Variants in MB21D2 observed in about 807,000 individuals in gnomAD.
MB21D2 encodes the protein nucleotidyltransferase MB21D2.
Under a neutral mutation model 33.3 loss-of-function variants are expected in MB21D2, and 9 were observed. That is an observed-to-expected ratio of 0.27 (90% CI 0.16 to 0.47). MB21D2 has a LOEUF of 0.47. MB21D2 is among the 20% of genes least tolerant of loss of function. The pLI, the probability that MB21D2 is intolerant of heterozygous loss-of-function variation, is 0.99. For missense variants in MB21D2, 540 were observed against 624.6 expected, an observed-to-expected ratio of 0.86 and a Z score of 1.44; for synonymous variants, 241 against 236.3, an observed-to-expected ratio of 1.02 and a Z score of -0.18.
chr3:192,809,792 A>G (rs1376324269), intron 1 of MB21D2, among the ~76,000 whole-genome samples: 2 of 152,228 alleles, frequency 1.3e-5, no homozygotes, highest in East Asian at 3.9e-4. Context: ...ACACACAGCT[A>G]TGTGGGTGCA....
Position 192,917,774 on chromosome 3 carries a change from G to C in MB21D2, c.67C>G (p.Pro23Ala). The change falls in exon 1 of 2, where the codon CCG becomes GCG. Residue 23 changes from proline to alanine, a missense_variant. Physicochemically the swap from Pro to Ala is conservative, Grantham distance 27. Coordinates refer to ENST00000392452, the MANE Select transcript of MB21D2 (RefSeq NM_178496.4). ...SLGCNNKPAF[P>A]ELDFRSGARV... ...GCTCCCGACCTGAAATCCAGCTCCG[G>C]GAACGCAGGCTTGTTGTTACAGCCC... The C allele has an allele frequency of 1.2e-6, 2 of 1,613,856 alleles. No individual in the cohort carries two copies. The highest frequency in any genetic ancestry group is 1.7e-6 in the Non-Finnish European group (2 of 1,180,038).
chr3:192,843,616 G>A (rs1712618441), intron 1 of MB21D2, among the ~76,000 whole-genome samples: 1 of 152,156 alleles, frequency 6.6e-6, no homozygotes, highest in African/African-American at 2.4e-5. Flanking sequence ...TATACAGTAT[G>A]TACATATAAA....
At position 192,852,064 on chromosome 3, in the gene MB21D2, A is replaced by G. The variant is rs1338200927; in HGVS notation, c.212-52414T>C. Among the ~76,000 whole-genome samples, 6 of 152,228 alleles carry G rather than the reference A, an allele frequency of 3.9e-5. No homozygotes were observed. The East Asian group carries it at 9.6e-4, about 24-fold the overall frequency. On this transcript the variant is annotated intron_variant, in intron 1 of 1. Transcript: ENST00000392452. ...GGCATCTGGAGTCGTGCCAGTGTAC[A>G]CTGACTCACTGTGGCTGAGGGTCAA...
At chr3:192,910,874 T>G (rs556626123) in intron 1 of MB21D2, among the ~76,000 whole-genome samples, 1 of 152,328 alleles carries the variant, frequency 6.6e-6, no homozygotes, top group South Asian at 2.1e-4. Flanking sequence ...ACATACCACA[T>G]AGTACAAAAC....
At chr3:192,884,610 G>A (rs542213328) in intron 1 of MB21D2, among the ~76,000 whole-genome samples, 8 of 152,076 alleles carry the variant, frequency 5.3e-5, no homozygotes, top group South Asian at 4.2e-4. Context: ...CTCGTGATCT[G>A]CCCGCCTTGG....
intron 1 of MB21D2, among the ~76,000 whole-genome samples, chr3:192,832,304 C>A (rs1436669238): frequency 6.6e-6 from 1 of 152,108 alleles, no homozygotes; most frequent in Non-Finnish European, 1.5e-5. Context: ...AATCACAAAC[C>A]TAGATTGCCT....
intron 1 of MB21D2, among the ~76,000 whole-genome samples, chr3:192,842,593 T>C (rs1481146927): frequency 2.6e-5 from 4 of 152,054 alleles, no homozygotes; most frequent in Non-Finnish European, 4.4e-5. Context: ...CTAATAATAA[T>C]GATAATAAAA....
chr3:192,817,433 A>C (rs1711952350), intron 1 of MB21D2, among the ~76,000 whole-genome samples: 1 of 142,612 alleles, frequency 7.0e-6, no homozygotes. Flanking sequence ...GGAAGGAAGA[A>C]GGGAAAGAAG....
At chr3:192,917,032 T>C (rs1714481826) in intron 1 of MB21D2, among the ~76,000 whole-genome samples, 1 of 152,208 alleles carries the variant, frequency 6.6e-6, no homozygotes, top group African/African-American at 2.4e-5. Flanking sequence ...AAATCAAAGT[T>C]GCAGGAACTC....
intron 1 of MB21D2, among the ~76,000 whole-genome samples, chr3:192,896,500 A>T (rs1713976604): frequency 1.3e-5 from 2 of 152,170 alleles, no homozygotes; most frequent in South Asian, 4.1e-4. Flanking sequence ...CAACAGGTGC[A>T]TGCCACCACA....
chr3:192,845,512 C>T (rs1203313826), intron 1 of MB21D2, among the ~76,000 whole-genome samples: 4 of 152,238 alleles, frequency 2.6e-5, no homozygotes, highest in Non-Finnish European at 5.9e-5. Flanking sequence ...ATTCCCATCA[C>T]AAGACCGAAG....
At position 192,852,052 on chromosome 3, in the gene MB21D2, G is replaced by A. The variant is rs80120683; in HGVS notation, c.212-52402C>T. Among the ~76,000 whole-genome samples the A allele has an allele frequency of 3.7e-3, 568 of 152,304 alleles. 3 individuals carry two copies. Among genetic ancestry groups the A allele is most frequent in the African/African-American group, 0.013 (536 of 41,566 alleles). ...TTTTATCCCCCAGGCATCTGGAGTC[G>A]TGCCAGTGTACACTGACTCACTGTG... On this transcript the variant is annotated intron_variant, in intron 1 of 1. Coordinates refer to ENST00000392452, the MANE Select transcript of MB21D2 (RefSeq NM_178496.4).
chr3:192,843,576 A>G (rs1712617720), intron 1 of MB21D2, among the ~76,000 whole-genome samples: 1 of 152,138 alleles, frequency 6.6e-6, no homozygotes, highest in African/African-American at 2.4e-5. Context: ...AAATATAAAC[A>G]TATCTCTACT....
intron 1 of MB21D2, among the ~76,000 whole-genome samples, chr3:192,804,420 A>AACAGAT (rs894482857): frequency 4.2e-4 from 41 of 97,958 alleles, no homozygotes; most frequent in African/African-American, 1.5e-3. Flanking sequence ...ACTTCTTTAA[A>AACAGAT]ACAGATACAC....
At chr3:192,864,957 T>A (rs1222160607) in intron 1 of MB21D2, among the ~76,000 whole-genome samples, 2 of 152,172 alleles carry the variant, frequency 1.3e-5, no homozygotes, top group African/African-American at 4.8e-5. Context: ...ATGGGAATAT[T>A]AAAATACTCA....
At chr3:192,883,419 AACATAT>A (rs1467374291) in intron 1 of MB21D2, among the ~76,000 whole-genome samples, 1 of 151,946 alleles carries the variant, frequency 6.6e-6, no homozygotes, top group Non-Finnish European at 1.5e-5. Flanking sequence ...ATGAGAGTAA[AACATAT>A]ACATAAACAT....
chr3:192,850,550 G>A (rs1455535842), intron 1 of MB21D2, among the ~76,000 whole-genome samples: 4 of 152,170 alleles, frequency 2.6e-5, no homozygotes, highest in African/African-American at 7.2e-5. Context: ...CAGAAAAGAG[G>A]TGCCTGCTAT....
At chr3:192,851,511 T>TTTTG (rs368434734) in intron 1 of MB21D2, among the ~76,000 whole-genome samples, 2,286 of 143,714 alleles carry the variant, frequency 0.016, 60 homozygotes, top group African/African-American at 0.061. Context: ...TTTTTTTTTT[T>TTTTG]GGAGATGGAG....
intron 1 of MB21D2, among the ~76,000 whole-genome samples, chr3:192,887,345 G>T (rs1489582358): frequency 6.6e-6 from 1 of 151,832 alleles, no homozygotes; most frequent in Non-Finnish European, 1.5e-5. Flanking sequence ...ATGTTCAAAA[G>T]GAAAAAAGAC....
Sources: allele counts gnomAD v4.1 joint callset (sites outside exome capture counted in the v4.1 genomes callset), GRCh38; gene constraint gnomAD v4.1.1; transcripts MANE v1.5; gene names NCBI Gene and HGNC (gene_info 2026-07-23, HGNC 2026-07-21).